ADGRB3: variants seen among roughly 807,000 people sequenced by gnomAD.
The protein encoded by ADGRB3 is adhesion G protein-coupled receptor B3, also known as brain-specific angiogenesis inhibitor 3.
Under a neutral mutation model 193.4 loss-of-function variants are expected in ADGRB3, and 37 were observed. The ratio of observed to expected loss-of-function variants is 0.19; its 90% CI spans 0.15 to 0.25. ADGRB3 has a LOEUF of 0.25. Among genes scored for constraint, ADGRB3 ranks in the 10% least tolerant of loss-of-function variants. The pLI is 1.00. For synonymous variants in ADGRB3, 690 were observed against 644.2 expected, an observed-to-expected ratio of 1.07 and a Z score of -1.08; for missense variants, 1,637 against 1,852.9, an observed-to-expected ratio of 0.88 and a Z score of 2.14.
intron 3 of ADGRB3, among the ~76,000 whole-genome samples, chr6:68,897,510 A>G (rs1766258757): frequency 1.9e-5 from 2 of 107,546 alleles, no homozygotes; most frequent in East Asian, 2.8e-4. Context: ...AAGAGGAAGG[A>G]AGGAAGGGAG....
intron 13 of ADGRB3, among the ~76,000 whole-genome samples, chr6:69,026,110 T>A (rs977583606): frequency 3.3e-5 from 5 of 152,210 alleles, no homozygotes; most frequent in Non-Finnish European, 7.3e-5. Context: ...TCTCAGTGAA[T>A]GAATTAGACA....
In ADGRB3 at chr6:69,382,835, T is replaced by C. The variant is rs1769980741; in HGVS notation, c.4280T>C (p.Val1427Ala). 1 of 1,601,228 alleles carries C rather than the reference T, an allele frequency of 6.2e-7. No homozygotes were observed. The highest frequency in any genetic ancestry group is 1.4e-5 in the African/African-American group (1 of 73,996). Residue 1427 changes from valine to alanine, a missense_variant, in exon 31 of 32, where the codon GTC becomes GCC. Physicochemically the swap from Val to Ala is moderately conservative, Grantham distance 64 (BLOSUM62 0). Transcript: ENST00000370598. ...CTATCTTGTTCTTTTTTGCAGAAGG[T>C]CATGCATACAAGGAAGAGGCATATG... Reference protein sequence around the residue: ...SRYSDLDFEKVMHTRKRHMEL... With the variant: ...SRYSDLDFEKAMHTRKRHMEL...
intron 20 of ADGRB3, among the ~76,000 whole-genome samples, chr6:69,250,397 C>G (rs1479782513): frequency 6.6e-6 from 1 of 152,044 alleles, no homozygotes; most frequent in Non-Finnish European, 1.5e-5. Context: ...TTCAAAATCT[C>G]CAGAATAAAG....
intron 3 of ADGRB3, among the ~76,000 whole-genome samples, chr6:68,807,079 A>G (rs1485019304): frequency 6.6e-6 from 1 of 152,162 alleles, no homozygotes; most frequent in South Asian, 2.1e-4. Context: ...ACTTATTTGC[A>G]TGAATTACCG....
chr6:69,231,031 T>C (rs1050431589), intron 17 of ADGRB3, among the ~76,000 whole-genome samples: 5 of 152,142 alleles, frequency 3.3e-5, no homozygotes, highest in African/African-American at 1.2e-4. Flanking sequence ...ATTTCATGCT[T>C]GGAGTGAGTG....
chr6:69,366,871 G>A (rs1769580134), intron 29 of ADGRB3, among the ~76,000 whole-genome samples: 1 of 152,084 alleles, frequency 6.6e-6, no homozygotes, highest in Non-Finnish European at 1.5e-5. Flanking sequence ...CTCCTATTGT[G>A]CCATGCCCTC....
intron 3 of ADGRB3, among the ~76,000 whole-genome samples, chr6:68,902,840 C>T (rs887540152): frequency 3.9e-5 from 6 of 152,112 alleles, no homozygotes; most frequent in Non-Finnish European, 8.8e-5. Flanking sequence ...GATTAAAAGT[C>T]TTTCTCACCT....
intron 3 of ADGRB3, among the ~76,000 whole-genome samples, chr6:68,752,893 C>T (rs1766228392): frequency 6.6e-6 from 1 of 152,112 alleles, no homozygotes; most frequent in South Asian, 2.1e-4. Flanking sequence ...AAAATTCAAG[C>T]AGACCTTGGG....
Position 68,804,940 on chromosome 6 carries a change from AT to A in ADGRB3, c.758-125612del, listed in dbSNP as rs1407276860. Among the ~76,000 whole-genome samples, 4 of 150,704 alleles carry A rather than the reference AT, an allele frequency of 2.7e-5. No homozygotes were observed. In the South Asian group the frequency reaches 8.4e-4, roughly 32 times the overall value. On this transcript the variant is annotated intron_variant, in intron 3 of 31. Transcript: ENST00000370598. ...TAATTGTATTTTTATTTATTTATTT[AT>A]TTTTTTGACAGGGCTTCACTCTGTT...
intron 4 of ADGRB3, among the ~76,000 whole-genome samples, chr6:68,934,806 G>T (rs1767439747): frequency 6.6e-6 from 1 of 152,054 alleles, no homozygotes; most frequent in South Asian, 2.1e-4. Context: ...TAATGTAAAA[G>T]AACAAATTAT....
intron 8 of ADGRB3, among the ~76,000 whole-genome samples, chr6:68,957,811 T>C (rs1364600809): frequency 6.6e-6 from 1 of 152,196 alleles, no homozygotes. Flanking sequence ...GTTAGTATTA[T>C]AAAGACTTCT....
chr6:69,095,681 G>A (rs563797395), intron 17 of ADGRB3, among the ~76,000 whole-genome samples: 4 of 152,182 alleles, frequency 2.6e-5, no homozygotes, highest in South Asian at 2.1e-4. Flanking sequence ...GAGTTCTGTC[G>A]ATATAAAAGA....
chr6:69,233,195 G>A, intron 17 of ADGRB3, 95 bp from the exon 18 acceptor site: 1 of 1,494,482 alleles, frequency 6.7e-7, no homozygotes, highest in Non-Finnish European at 9.1e-7. Context: ...AATTACAGTA[G>A]ACGACTCTCT....
At chr6:68,716,156 A>G (rs1466831836) in intron 3 of ADGRB3, among the ~76,000 whole-genome samples, 2 of 151,804 alleles carry the variant, frequency 1.3e-5, no homozygotes, top group Non-Finnish European at 2.9e-5. Flanking sequence ...TCTAATTTAA[A>G]TAAAATCTGT....
At chr6:68,940,033 C>G (rs1015235216) in intron 5 of ADGRB3, among the ~76,000 whole-genome samples, 13 of 152,264 alleles carry the variant, frequency 8.5e-5, no homozygotes, top group African/African-American at 3.1e-4. Flanking sequence ...CACCCATATT[C>G]AAATTTCAGA....
chr6:69,094,049 T>G (rs1772793995), intron 17 of ADGRB3, among the ~76,000 whole-genome samples: 2 of 152,104 alleles, frequency 1.3e-5, no homozygotes, highest in Non-Finnish European at 2.9e-5. Flanking sequence ...CTTACAGGAA[T>G]CCAGGAAGGC....
chr6:69,160,602 A>G (rs1232006103), intron 17 of ADGRB3, among the ~76,000 whole-genome samples: 2 of 152,032 alleles, frequency 1.3e-5, no homozygotes, highest in African/African-American at 2.4e-5. Flanking sequence ...TAGCATAGCT[A>G]TTCGTATTTT....
intron 3 of ADGRB3, among the ~76,000 whole-genome samples, chr6:68,851,292 T>C (rs969847283): frequency 1.3e-5 from 2 of 151,926 alleles, no homozygotes; most frequent in African/African-American, 4.8e-5. Flanking sequence ...TGTCTTTCTC[T>C]CTAGTTTTCA....
intron 20 of ADGRB3, among the ~76,000 whole-genome samples, chr6:69,321,882 A>G (rs1352842655): frequency 2.0e-5 from 3 of 151,842 alleles, no homozygotes; most frequent in African/African-American, 7.2e-5. Flanking sequence ...TTTTAAGTTC[A>G]GGGGTACATG....
Sources: allele counts gnomAD v4.1 joint callset (sites outside exome capture counted in the v4.1 genomes callset), GRCh38; gene constraint gnomAD v4.1.1; transcripts MANE v1.5; gene names NCBI Gene and HGNC (gene_info 2026-07-23, HGNC 2026-07-21).